Variants in SCEL observed in about 807,000 individuals in gnomAD.
SCEL encodes the protein sciellin.
Under a neutral mutation model 117.6 loss-of-function variants are expected in SCEL, and 113 were observed. The ratio of observed to expected loss-of-function variants is 0.96; its 90% CI spans 0.83 to 1.12. The LOEUF (loss-of-function observed/expected upper bound fraction) is 1.12, where lower values mean the gene tolerates loss of function less well. Among genes scored for constraint, SCEL ranks in the 50% most tolerant of loss-of-function variants. SCEL has a pLI of 0.00. For missense variants in SCEL, 785 were observed against 810.8 expected, an observed-to-expected ratio of 0.97 and a Z score of 0.39; for synonymous variants, 270 against 256.2, an observed-to-expected ratio of 1.05 and a Z score of -0.51.
intron 22 of SCEL, among the ~76,000 whole-genome samples, chr13:77,611,363 A>T (rs746050761): frequency 5.9e-5 from 9 of 152,194 alleles, no homozygotes; most frequent in Non-Finnish European, 1.0e-4. Context: ...GTGTGAAGAG[A>T]ATCAAATCTG....
intron 28 of SCEL, 21 bp downstream of exon 28, chr13:77,628,030 CTT>C (rs774709331): frequency 3.8e-6 from 5 of 1,307,926 alleles, no homozygotes; most frequent in Non-Finnish European, 5.2e-6. Flanking sequence ...TTATAATTCA[CTT>C]TTTTTCTTAT....
At chr13:77,604,206 G>A (rs1194886627) in intron 18 of SCEL, 150 bp from the exon 19 acceptor site, 3 of 487,612 alleles carry the variant, frequency 6.2e-6, no homozygotes, top group South Asian at 7.9e-5. Flanking sequence ...AGTTGTAAGA[G>A]AATATTTTCA....
intron 24 of SCEL, among the ~76,000 whole-genome samples, chr13:77,615,908 A>G (rs953354689): frequency 1.3e-5 from 2 of 152,044 alleles, no homozygotes; most frequent in African/African-American, 4.8e-5. Flanking sequence ...AGTGAATGGC[A>G]ATCAGCATTT....
At chr13:77,574,985 A>G (rs750781877) in intron 9 of SCEL, among the ~76,000 whole-genome samples, 2 of 151,916 alleles carry the variant, frequency 1.3e-5, no homozygotes, top group Non-Finnish European at 2.9e-5. Flanking sequence ...CTGAAATTTC[A>G]TTTTCTCTCA....
chr13:77,597,441 TG>T (rs34721769), intron 12 of SCEL, 103 bp from the exon 13 acceptor site: 2 of 624,682 alleles, frequency 3.2e-6, no homozygotes, highest in Non-Finnish European at 5.6e-6. Context: ...ATGATAAAAG[TG>T]GGATGTGTTG....
At chr13:77,594,751 C>T (rs948673109) in intron 12 of SCEL, among the ~76,000 whole-genome samples, 2 of 152,066 alleles carry the variant, frequency 1.3e-5, no homozygotes, top group African/African-American at 4.8e-5. Flanking sequence ...CATAATATTC[C>T]ATTGTTTAAG....
At chr13:77,557,087 A>C (rs1368588665) in intron 3 of SCEL, among the ~76,000 whole-genome samples, 6 of 152,258 alleles carry the variant, frequency 3.9e-5, no homozygotes, top group Admixed American at 3.9e-4. Flanking sequence ...CAGCTGAAAT[A>C]AACAAAAAGA....
intron 22 of SCEL, among the ~76,000 whole-genome samples, chr13:77,610,360 G>C (rs981101415): frequency 6.6e-6 from 1 of 151,540 alleles, no homozygotes; most frequent in South Asian, 2.1e-4. Context: ...GCTGAGGCAG[G>C]AGAATGACAT....
Position 77,593,557 on chromosome 13 carries a change from C to A in SCEL, c.736C>A (p.Gln246Lys). 6.2e-7 allele frequency: 1 copy of A among 1,612,684 alleles called. No homozygotes were observed. The highest frequency in any genetic ancestry group is 1.1e-5 in the South Asian group (1 of 91,014). ...DNIVKVATSL[Q>K]RSDKGEELDN... ...CATCGTCAAAGTGGCCACTTCACTT[C>A]AGAGAAGTGACAAAGGGTGAGATCT... The change falls in exon 12 of 33, where the codon CAG (glutamine) becomes AAG (lysine). Residue 246 changes from glutamine (Q) to lysine (K), a missense_variant. Physicochemically the swap from Gln to Lys is moderately conservative, Grantham distance 53. Coordinates refer to ENST00000349847, the MANE Select transcript of SCEL (RefSeq NM_144777.3).
intron 1 of SCEL, among the ~76,000 whole-genome samples, chr13:77,544,451 T>C (rs534125450): frequency 2.6e-5 from 4 of 152,334 alleles, no homozygotes; most frequent in Non-Finnish European, 4.4e-5. Flanking sequence ...AAAGTCTTTA[T>C]GCTGAGAGGA....
In SCEL at chr13:77,599,309, T is replaced by C. The variant is rs2087475076; in HGVS notation, c.798-20T>C. 6.3e-7 allele frequency: 1 copy of C among 1,593,542 alleles called. No individual in the cohort carries two copies. The highest frequency in any genetic ancestry group is 1.3e-5 in the African/African-American group (1 of 74,264). On this transcript the variant is annotated intron_variant, in intron 13 of 32. Transcript: ENST00000349847. Reference sequence around the variant, plus strand: ...GGTCATTATCACTGATGAGGCTTTTTTAAATCAATACATTTAAAGGAATCA... The same window carrying C: ...GGTCATTATCACTGATGAGGCTTTTCTAAATCAATACATTTAAAGGAATCA...
At chr13:77,549,998 C>A (rs564464701) in intron 1 of SCEL, among the ~76,000 whole-genome samples, 4 of 150,226 alleles carry the variant, frequency 2.7e-5, no homozygotes, top group East Asian at 2.0e-4. Context: ...GATGGCCTGG[C>A]CTGCTGCCAG....
intron 30 of SCEL, among the ~76,000 whole-genome samples, chr13:77,638,547 C>T (rs1047623439): frequency 1.3e-5 from 2 of 152,186 alleles, no homozygotes; most frequent in African/African-American, 4.8e-5. Flanking sequence ...AGACTTTAAA[C>T]CCTATTCCTA....
intron 1 of SCEL, among the ~76,000 whole-genome samples, chr13:77,541,797 A>G (rs2083717740): frequency 6.6e-6 from 1 of 152,204 alleles, no homozygotes. Context: ...TATAGTGAGA[A>G]AGATTTATGT....
At chr13:77,569,487 A>G (rs1248412664) in intron 8 of SCEL, 36 bp downstream of exon 8, 16 of 1,503,948 alleles carry the variant, frequency 1.1e-5, no homozygotes, top group Non-Finnish European at 1.5e-5. Context: ...TCTTGCTGAT[A>G]CACTATGAAA....
At chr13:77,561,982 T>TTAGA (rs575829265) in intron 4 of SCEL, among the ~76,000 whole-genome samples, 1,921 of 152,286 alleles carry the variant, frequency 0.013, 44 homozygotes, top group Non-Finnish European at 0.018. Context: ...TGTCATCACC[T>TTAGA]TAGATAATAC....
intron 1 of SCEL, among the ~76,000 whole-genome samples, chr13:77,537,328 G>C (rs1320121250): frequency 1.3e-5 from 2 of 152,182 alleles, no homozygotes; most frequent in Non-Finnish European, 2.9e-5. Flanking sequence ...GAAGATCAGA[G>C]TAGCAGAACC....
intron 4 of SCEL, among the ~76,000 whole-genome samples, chr13:77,561,235 G>GT (rs757137729): frequency 2.0e-5 from 3 of 152,172 alleles, no homozygotes; most frequent in Non-Finnish European, 4.4e-5. Flanking sequence ...AAATGCTTGT[G>GT]TTTTTTAAGT....
At chr13:77,567,784 T>G (rs759479517) in intron 6 of SCEL, 36 bp downstream of exon 6, 1 of 1,345,262 alleles carries the variant, frequency 7.4e-7, no homozygotes, top group Admixed American at 2.2e-5. Flanking sequence ...AAGGCTCAAG[T>G]ATAATATTTT....
Sources: gnomAD v4.1 joint callset for allele counts (sites outside exome capture counted in the v4.1 genomes callset) on GRCh38, gnomAD v4.1.1 for gene constraint, MANE v1.5 for transcripts, NCBI Gene and HGNC (gene_info 2026-07-23, HGNC 2026-07-21) for gene names.